Variants in MROH7 observed in about 807,000 individuals in gnomAD.
The protein encoded by MROH7 is maestro heat like repeat family member 7.
Under a neutral mutation model 129.2 loss-of-function variants are expected in MROH7, and 113 were observed. The observed-to-expected ratio is 0.87, with a 90% confidence interval of 0.75 to 1.02. The LOEUF is 1.02. Among genes scored for constraint, MROH7 ranks in the 50% least tolerant of loss-of-function variants. The pLI is 0.00. For missense variants in MROH7, 1,601 were observed against 1,671.3 expected (o/e 0.96, Z 0.73); for synonymous variants, 655 against 667.9 (o/e 0.98, Z 0.30).
chr1:54,660,603 C>CAGG, intron 3 of MROH7, among the ~76,000 whole-genome samples: 1 of 152,280 alleles, frequency 6.6e-6, no homozygotes, highest in South Asian at 2.1e-4. Context: ...CACCTGAGGT[C>CAGG]AGGAGTTCAA....
At position 54,679,984 on chromosome 1, in the gene MROH7, G is replaced by C; in HGVS notation, c.2320G>C (p.Ala774Pro). ...QVALLPVSLLASSFMTEVVVA... is the reference protein window; with the variant it reads ...QVALLPVSLLPSSFMTEVVVA... ...GGCCCTGCTGCCCGTCTCCCTCCTG[G>C]CTAGCTCCTTCATGACCGAGGTTGT... Residue 774 changes from alanine to proline, a missense_variant, in exon 13 of 24, where the codon GCT (alanine) becomes CCT (proline). Physicochemically the swap from Ala to Pro is conservative, Grantham distance 27. Coordinates refer to ENST00000421030, the MANE Select transcript of MROH7 (RefSeq NM_001039464.4). 1 of 1,613,962 alleles carries C rather than the reference G, an allele frequency of 6.2e-7. No homozygotes were observed. The highest frequency in any genetic ancestry group is 8.5e-7 in the Non-Finnish European group (1 of 1,179,970).
intron 17 of MROH7, chr1:54,699,108 TTC>T (rs1466937197): frequency 1.4e-5 from 1 of 72,400 alleles, no homozygotes; most frequent in African/African-American, 5.1e-5. Context: ...CTTTCTTTCT[TTC>T]TTTCTTTCTT....
At chr1:54,690,238 G>A (rs1293847156) in intron 15 of MROH7, among the ~76,000 whole-genome samples, 1 of 143,552 alleles carries the variant, frequency 7.0e-6, no homozygotes, top group Non-Finnish European at 1.5e-5. Flanking sequence ...CATTTGGGCT[G>A]TTGCAAGTAT....
intron 7 of MROH7, 70 bp from the exon 8 acceptor site, chr1:54,673,021 C>A: frequency 8.5e-7 from 1 of 1,178,476 alleles, no homozygotes. Flanking sequence ...CTGACCTACA[C>A]CAGGGGCCGC....
At position 54,695,489 on chromosome 1, in the gene MROH7, A is replaced by C; in HGVS notation, c.2963A>C (p.Glu988Ala). The change falls in exon 17 of 24, where the codon GAG (glutamate) becomes GCG (alanine). Residue 988 changes from glutamate (E) to alanine (A), a missense_variant and splice_region_variant. Glu to Ala is a moderately radical substitution (Grantham distance 107, BLOSUM62 -1). Transcript: ENST00000421030. ...HRITATAFFV[E>A]LLQMEQVRRI... ...ATCACGGCCACCGCCTTCTTCGTGGAGGTACCAACGGGGGCAGCGGGTACA... is the reference window on the plus strand; with the variant it reads ...ATCACGGCCACCGCCTTCTTCGTGGCGGTACCAACGGGGGCAGCGGGTACA... The C allele has an allele frequency of 6.2e-7, 1 of 1,610,460 alleles. No homozygotes were observed. Among genetic ancestry groups the C allele is most frequent in the Non-Finnish European group, 8.5e-7 (1 of 1,177,380 alleles).
chr1:54,651,810 C>CTCTCTCTGTGTGTGTG, intron 1 of MROH7, 139 bp from the exon 2 acceptor site: 1 of 141,526 alleles, frequency 7.1e-6, no homozygotes, highest in Admixed American at 7.2e-5. Flanking sequence ...CTCTCTCTCT[C>CTCTCTCTGTGTGTGTG]TGTGTGTGTG....
In MROH7 at chr1:54,686,442, C is replaced by T. The variant is rs745325878; in HGVS notation, c.2705C>T (p.Pro902Leu). 6.2e-6 allele frequency: 10 copies of T among 1,613,906 alleles called. No individual in the cohort carries two copies. In the South Asian group the frequency reaches 1.1e-4, roughly 18 times the overall value. Reference protein sequence around the residue: ...KKGAQPSPFVPVRWVVKVVKT... With the variant: ...KKGAQPSPFVLVRWVVKVVKT... ...GGTGCACAGCCCTCTCCCTTCGTAC[C>T]TGTGCGGTATGCTCTGCCCTCTCTC... The change falls in exon 15 of 24, where the codon CCT becomes CTT. Residue 902 changes from proline (P) to leucine (L), a missense_variant. By Grantham distance (98) the Pro-to-Leu change is moderately conservative. Coordinates refer to ENST00000421030, the MANE Select transcript of MROH7 (RefSeq NM_001039464.4).
intron 3 of MROH7, among the ~76,000 whole-genome samples, chr1:54,655,680 G>C (rs1479958477): frequency 1.3e-5 from 2 of 151,924 alleles, no homozygotes; most frequent in Non-Finnish European, 2.9e-5. Flanking sequence ...ACCATGCCCA[G>C]CCTCTGTACA....
chr1:54,680,370 C>T (rs1645050656), intron 13 of MROH7, among the ~76,000 whole-genome samples: 1 of 152,200 alleles, frequency 6.6e-6, no homozygotes. Flanking sequence ...TAACTACCAG[C>T]CCAGAGCTCT....
intron 21 of MROH7, 121 bp from the exon 22 acceptor site, chr1:54,706,314 G>A: frequency 1.4e-6 from 1 of 717,844 alleles, no homozygotes; most frequent in Non-Finnish European, 2.5e-6. Context: ...GACTCATGCA[G>A]AGGGAGCAGA....
intron 21 of MROH7, 81 bp from the exon 22 acceptor site, chr1:54,706,354 C>T: frequency 9.8e-7 from 1 of 1,023,468 alleles, no homozygotes; most frequent in Admixed American, 1.8e-5. Flanking sequence ...GTGAGGGTCA[C>T]CATTCCTAGC....
intron 19 of MROH7, among the ~76,000 whole-genome samples, chr1:54,701,577 T>C (rs1645436773): frequency 6.6e-6 from 1 of 152,170 alleles, no homozygotes; most frequent in South Asian, 2.1e-4. Context: ...CTGGTTCATC[T>C]AGAGGGGGTA....
chr1:54,689,571 G>C (rs1645201903), intron 15 of MROH7, among the ~76,000 whole-genome samples: 1 of 152,226 alleles, frequency 6.6e-6, no homozygotes, highest in African/African-American at 2.4e-5. Context: ...TGAGAGGAGA[G>C]GCAGGCTCTG....
intron 3 of MROH7, among the ~76,000 whole-genome samples, chr1:54,662,814 A>G (rs1297786721): frequency 6.6e-6 from 1 of 152,138 alleles, no homozygotes; most frequent in Non-Finnish European, 1.5e-5. Context: ...TTCTAGTCTG[A>G]TCTGTCTCCT....
intron 3 of MROH7, among the ~76,000 whole-genome samples, chr1:54,664,884 T>A (rs1054959281): frequency 6.6e-6 from 1 of 151,876 alleles, no homozygotes; most frequent in Non-Finnish European, 1.5e-5. Context: ...TGATGGCGGG[T>A]GCCTGTAATC....
intron 1 of MROH7, among the ~76,000 whole-genome samples, chr1:54,646,564 A>G (rs1352536162): frequency 6.6e-6 from 1 of 152,150 alleles, no homozygotes; most frequent in East Asian, 1.9e-4. Flanking sequence ...CTGTTGAACT[A>G]TTTCCAAAAT....
At chr1:54,707,048 G>T (rs1645545779) in intron 22 of MROH7, among the ~76,000 whole-genome samples, 1 of 152,188 alleles carries the variant, frequency 6.6e-6, no homozygotes. Context: ...AAAGGGGAGG[G>T]ATGGCACATA....
chr1:54,702,060 G>T, intron 19 of MROH7, 30 bp from the exon 20 acceptor site: 1 of 1,532,502 alleles, frequency 6.5e-7, no homozygotes, highest in Non-Finnish European at 8.8e-7. Flanking sequence ...CCAGAGGAGG[G>T]ACCCCCTCTG....
chr1:54,666,251 C>G (rs1028886802), intron 4 of MROH7, among the ~76,000 whole-genome samples: 8 of 152,044 alleles, frequency 5.3e-5, no homozygotes, highest in African/African-American at 1.9e-4. Context: ...CTCACAAAGG[C>G]AGATTAATTG....
Sources: gnomAD v4.1 joint callset for allele counts (sites outside exome capture counted in the v4.1 genomes callset) on GRCh38, gnomAD v4.1.1 for gene constraint, MANE v1.5 for transcripts, NCBI Gene and HGNC (gene_info 2026-07-23, HGNC 2026-07-21) for gene names.